MINDY2: variants seen among roughly 807,000 people sequenced by gnomAD.
The protein encoded by MINDY2 is ubiquitin carboxyl-terminal hydrolase MINDY-2.
A neutral mutation model predicts 68.2 loss-of-function variants in MINDY2; 52 were observed. The ratio of observed to expected loss-of-function variants is 0.76; its 90% confidence interval spans 0.61 to 0.96. The LOEUF (loss-of-function observed/expected upper bound fraction) is 0.96. Ranked by LOEUF, MINDY2 falls within the 40% of genes least tolerant of loss-of-function variation. MINDY2 has a pLI of 0.00. For missense variants in MINDY2, 881 were observed against 773.4 expected (o/e 1.14, Z -1.65); for synonymous variants, 372 against 303.0 (o/e 1.23, Z -2.36).
rs138507891 is a variant in MINDY2 at position 58,853,611 on chromosome 15, G to A, written c.1738-871G>A. Among the ~76,000 whole-genome samples, 285 of 152,070 alleles carry A rather than the reference G, an allele frequency of 1.9e-3. 7 individuals carry two copies. The highest frequency in any genetic ancestry group is 0.012 in the Admixed American group (187 of 15,278). Reference sequence around the variant, plus strand: ...CAAGACAGGTGGATCTCGAGGCCAGGAGTTCGAGACCAGCCTGGCCAATAT... The same window carrying A: ...CAAGACAGGTGGATCTCGAGGCCAGAAGTTCGAGACCAGCCTGGCCAATAT... On this transcript the variant is annotated intron_variant, in intron 8 of 8. Coordinates refer to ENST00000559228, the MANE Select transcript of MINDY2 (RefSeq NM_001040450.3).
At chr15:58,831,673 T>G (rs1245624995) in intron 5 of MINDY2, 101 bp from the exon 6 acceptor site, 7 of 992,688 alleles carry the variant, frequency 7.1e-6, no homozygotes, top group Non-Finnish European at 1.0e-5. Flanking sequence ...ATTATAATTA[T>G]TGGCCTTTTT....
chr15:58,771,432 C>T lies in MINDY2; in HGVS notation c.37C>T (p.His13Tyr). Residue 13 changes from histidine to tyrosine, a missense_variant, in exon 1 of 9, where the codon CAC becomes TAC. His to Tyr is a moderately conservative substitution (Grantham distance 83, BLOSUM62 2). Transcript: ENST00000559228. ...CCCCGAGAGCCTGCAGCCGCTAGAA[C>T]ACGGGGTGGCGGCCGGGCCAGCGTC... The part of the protein sequence containing the change: ...SSPESLQPLE[H>Y]GVAAGPASGT... 1 of 1,612,142 alleles carries T rather than the reference C, an allele frequency of 6.2e-7. No homozygotes were observed. Among genetic ancestry groups the T allele is most frequent in the Non-Finnish European group, 8.5e-7 (1 of 1,179,682 alleles).
chr15:58,840,116 G>A (rs895991044), intron 6 of MINDY2, among the ~76,000 whole-genome samples: 2 of 152,296 alleles, frequency 1.3e-5, no homozygotes, highest in South Asian at 2.1e-4. Context: ...TTACAGGCGT[G>A]AGCCACGCGT....
At position 58,827,707 on chromosome 15, in the gene MINDY2, C is replaced by G. The variant is rs865834962; in HGVS notation, c.1226-4067C>G. On this transcript the variant is annotated intron_variant, in intron 5 of 8. Transcript: ENST00000559228. ...GACCTCGTGATTCTCCCGCCTCGTCCTCCCAAAGTGCCGGGATTACAGGCA... is the reference window on the plus strand; with the variant it reads ...GACCTCGTGATTCTCCCGCCTCGTCGTCCCAAAGTGCCGGGATTACAGGCA... 3.3e-5 allele frequency among the ~76,000 whole-genome samples: 5 copies of G among 152,278 alleles called. No homozygotes were observed. In the Middle Eastern group the frequency reaches 0.01, roughly 311 times the overall value.
intron 1 of MINDY2, among the ~76,000 whole-genome samples, chr15:58,787,629 C>G (rs1445502319): frequency 1.3e-5 from 2 of 150,008 alleles, no homozygotes; most frequent in Admixed American, 6.7e-5. Flanking sequence ...CCCAGCTACT[C>G]GGAAGGCTGA....
Position 58,771,525 on chromosome 15 carries a change from T to A in MINDY2, c.130T>A (p.Trp44Arg), listed in dbSNP as rs1037468456. The A allele has an allele frequency of 2.5e-6, 4 of 1,612,044 alleles. No individual in the cohort carries two copies. In the African/African-American group the frequency reaches 4.0e-5, roughly 16 times the overall value. The stretch of plus-strand genomic sequence containing the variant: ...CGCCGCTGGTGATGGTCCTGGGGTA[T>A]GGGCGGCGGAGACCAGCGGCGGGAA... The part of the protein sequence containing the change: ...RLAAGDGPGV[W>R]AAETSGGNGL... Residue 44 changes from tryptophan (W) to arginine (R), a missense_variant, in exon 1 of 9, where the codon TGG (tryptophan) becomes AGG (arginine). By Grantham distance (101) the Trp-to-Arg change is moderately radical. Transcript: ENST00000559228.
At chr15:58,806,354 CT>C (rs57824507) in intron 3 of MINDY2, among the ~76,000 whole-genome samples, 10,427 of 128,564 alleles carry the variant, frequency 0.081, 597 homozygotes, top group African/African-American at 0.2. Context: ...AACGTGCCAA[CT>C]TTTTTTTTTT....
intron 5 of MINDY2, among the ~76,000 whole-genome samples, chr15:58,828,984 T>G (rs1416538224): frequency 1.3e-5 from 2 of 152,218 alleles, no homozygotes; most frequent in Non-Finnish European, 2.9e-5. Flanking sequence ...TATCATCAAT[T>G]ACAATAACAA....
chr15:58,826,667 T>G (rs148214368), intron 5 of MINDY2, among the ~76,000 whole-genome samples: 1 of 152,330 alleles, frequency 6.6e-6, no homozygotes, highest in East Asian at 1.9e-4. Flanking sequence ...ATGCAATTAT[T>G]TCAAGCAATT....
At chr15:58,832,753 C>G (rs1205718939) in intron 6 of MINDY2, among the ~76,000 whole-genome samples, 1 of 151,926 alleles carries the variant, frequency 6.6e-6, no homozygotes, top group African/African-American at 2.4e-5. Flanking sequence ...TCTCAAACTC[C>G]CGACCTCAGA....
chr15:58,803,345 G>A (rs1490406156), intron 3 of MINDY2, among the ~76,000 whole-genome samples: 19 of 152,074 alleles, frequency 1.2e-4, no homozygotes, highest in African/African-American at 4.6e-4. Flanking sequence ...ATGCGCGCCT[G>A]TAGTCCCAGC....
intron 4 of MINDY2, among the ~76,000 whole-genome samples, chr15:58,819,412 C>T (rs886064452): frequency 1.3e-4 from 20 of 152,200 alleles, no homozygotes; most frequent in Non-Finnish European, 2.8e-4. Flanking sequence ...CACGCCACTA[C>T]ATTCCAGCAA....
At chr15:58,837,208 A>G (rs1430487641) in intron 6 of MINDY2, among the ~76,000 whole-genome samples, 3 of 152,140 alleles carry the variant, frequency 2.0e-5, no homozygotes, top group African/African-American at 4.8e-5. Context: ...CTAATTCCTG[A>G]GTTGTTTGTA....
intron 1 of MINDY2, among the ~76,000 whole-genome samples, chr15:58,778,305 T>C (rs905696839): frequency 4.6e-5 from 7 of 152,144 alleles, no homozygotes; most frequent in Admixed American, 3.9e-4. Flanking sequence ...ACACATCTCC[T>C]TTCCTTCTTA....
At chr15:58,806,566 T>G (rs1458384379) in intron 3 of MINDY2, among the ~76,000 whole-genome samples, 2 of 151,982 alleles carry the variant, frequency 1.3e-5, no homozygotes, top group Admixed American at 6.6e-5. Context: ...TATCAAATGG[T>G]GTTAACTTAG....
At chr15:58,848,472 G>A (rs777612709) in intron 7 of MINDY2, among the ~76,000 whole-genome samples, 1 of 152,140 alleles carries the variant, frequency 6.6e-6, no homozygotes, top group East Asian at 1.9e-4. Flanking sequence ...CTCCGGGTGC[G>A]GTGGCTCACA....
chr15:58,810,265 A>G lies in MINDY2; in HGVS notation c.999A>G (p.Leu333=), dbSNP rs781754932. The change falls in exon 4 of 9, where the codon CTA becomes CTG. Residue 333 remains leucine (L), a synonymous_variant. Coordinates refer to ENST00000559228, the MANE Select transcript of MINDY2 (RefSeq NM_001040450.3). The part of the protein sequence containing the change: ...MSDAMAILHK[L]QTGLDVNVRF... ...ATGCCATGGCAATTTTGCACAAACTACAGACAGGCCTGGATGTAAATGTAA... is the reference window on the plus strand; with the variant it reads ...ATGCCATGGCAATTTTGCACAAACTGCAGACAGGCCTGGATGTAAATGTAA... 3.1e-6 allele frequency: 5 copies of G among 1,612,622 alleles called. No individual in the cohort carries two copies. Among genetic ancestry groups the G allele is most frequent in the Non-Finnish European group, 4.2e-6 (5 of 1,179,692 alleles).
In MINDY2 at chr15:58,854,742, G is replaced by A. The variant is rs548469292; in HGVS notation, c.*132G>A. 66 of 1,031,164 alleles carry A rather than the reference G, an allele frequency of 6.4e-5. No homozygotes were observed. Among genetic ancestry groups the A allele is most frequent in the Admixed American group, 1.0e-4 (4 of 40,190 alleles). 63.9% of individuals were successfully genotyped at this position (1,031,164 alleles called of 1,614,324 possible). A position where few individuals can be genotyped will look rare whatever the true frequency, so the allele number is the denominator to read the frequency against. Reference sequence around the variant, plus strand: ...ATTTTGTTCGTTTTTTCAGGGGAACGGTTGTTACTTAGTTACAATCAGACT... The same window carrying A: ...ATTTTGTTCGTTTTTTCAGGGGAACAGTTGTTACTTAGTTACAATCAGACT... On this transcript the variant is annotated 3_prime_UTR_variant, in exon 9 of 9. Transcript: ENST00000559228.
Position 58,831,161 on chromosome 15 carries a change from C to T in MINDY2, c.1226-613C>T, listed in dbSNP as rs376382065. Among the ~76,000 whole-genome samples, 6 of 151,578 alleles carry T rather than the reference C, an allele frequency of 4.0e-5. No homozygotes were observed. The East Asian group carries it at 5.8e-4, about 15-fold the overall frequency. ...GAACTTGATACATCTACATGAGTGG[C>T]ATATGTTGGAGGAGATTAGCATAAA... On this transcript the variant is annotated intron_variant, in intron 5 of 8. Coordinates refer to ENST00000559228, the MANE Select transcript of MINDY2 (RefSeq NM_001040450.3).
Sources: gnomAD v4.1 joint callset for allele counts (sites outside exome capture counted in the v4.1 genomes callset) on GRCh38, gnomAD v4.1.1 for gene constraint, MANE v1.5 for transcripts, NCBI Gene and HGNC (gene_info 2026-07-23, HGNC 2026-07-21) for gene names.